SPTSSA: variants seen among roughly 807,000 people sequenced by gnomAD.
SPTSSA encodes the protein serine palmitoyltransferase small subunit A, also known as small subunit of serine palmitoyltransferase A.
Under a neutral mutation model 9.1 loss-of-function variants are expected in SPTSSA, and 8 were observed. The ratio of observed to expected loss-of-function variants is 0.88; its 90% CI spans 0.51 to 1.58. The LOEUF (loss-of-function observed/expected upper bound fraction) is 1.58. Ranked by LOEUF, SPTSSA falls within the 40% of genes most tolerant of loss-of-function variation. The probability of loss-of-function intolerance (pLI) is 0.00; values close to 1 mark genes in which losing one functional copy is unlikely to be tolerated. For missense variants in SPTSSA, 100 were observed against 93.8 expected (o/e 1.07, Z -0.27); for synonymous variants, 42 against 37.7 (o/e 1.11, Z -0.41).
chr14:34,433,962 C>CAAAAAA lies in SPTSSA; in HGVS notation c.*1233_*1238dup, dbSNP rs879067438. 9.2e-6 allele frequency: 1 copy of CAAAAAA among 108,842 alleles called. No individual in the cohort carries two copies. The highest frequency in any genetic ancestry group is 3.8e-5 in the African/African-American group (1 of 26,626). The allele number at this position is 108,842 out of a possible 1,614,324, so 6.7% of individuals were successfully genotyped here. A position where few individuals can be genotyped will look rare whatever the true frequency, so the allele number is the denominator to read the frequency against. On this transcript the variant is annotated 3_prime_UTR_variant, in exon 2 of 2. Transcript: ENST00000298130. ...TGGGCGACAGGGCAAGACTCCGTCT[C>CAAAAAA]AAAAAAAAAAAAACAAAAAAACAAC...
intron 1 of SPTSSA, among the ~76,000 whole-genome samples, chr14:34,443,172 T>TGTG (rs1883353252): frequency 1.6e-3 from 94 of 60,634 alleles, no homozygotes; most frequent in East Asian, 4.4e-3. Flanking sequence ...TGTGTGTGTG[T>TGTG]TTTGAGATTG....
intron 1 of SPTSSA, among the ~76,000 whole-genome samples, chr14:34,449,762 C>T (rs1176267461): frequency 2.0e-5 from 3 of 152,228 alleles, no homozygotes; most frequent in African/African-American, 7.2e-5. Context: ...CTCAGTCTCC[C>T]AAAGTGCTGG....
Position 34,434,411 on chromosome 14 carries a change from G to A in SPTSSA, c.*790C>T, listed in dbSNP as rs1043321246. ...AAGTACATTGTTAATAGTGACCCTC[G>A]GAGGAAATGGATTTCTCTTCTATTA... is the stretch of plus-strand genomic sequence containing the variant. On this transcript the variant is annotated 3_prime_UTR_variant, in exon 2 of 2. Transcript: ENST00000298130. 2.0e-5 allele frequency: 3 copies of A among 152,386 alleles called. No individual in the cohort carries two copies. The highest frequency in any genetic ancestry group is 4.4e-5 in the Non-Finnish European group (3 of 67,990). 9.4% of individuals were successfully genotyped at this position (152,386 alleles called of 1,614,324 possible). A position where few individuals can be genotyped will look rare whatever the true frequency, so the allele number is the denominator to read the frequency against.
chr14:34,433,147 C>T lies in SPTSSA; in HGVS notation c.*2054G>A, dbSNP rs1288263543. 10 of 152,184 alleles carry T rather than the reference C, an allele frequency of 6.6e-5. No individual in the cohort carries two copies. The highest frequency in any genetic ancestry group is 1.5e-5 in the Non-Finnish European group (1 of 68,032). The allele number at this position is 152,184 out of a possible 1,614,324, so 9.4% of individuals were successfully genotyped here. On this transcript the variant is annotated 3_prime_UTR_variant, in exon 2 of 2. Coordinates refer to ENST00000298130, the MANE Select transcript of SPTSSA (RefSeq NM_138288.4). Reference sequence around the variant, plus strand: ...GAGACATCTCCCATTTCTCTTTTGACTCTCCTCAAGATTTCCTGTAAGACC... The same window carrying T: ...GAGACATCTCCCATTTCTCTTTTGATTCTCCTCAAGATTTCCTGTAAGACC...
At chr14:34,446,806 G>C (rs1883429540) in intron 1 of SPTSSA, among the ~76,000 whole-genome samples, 1 of 152,190 alleles carries the variant, frequency 6.6e-6, no homozygotes, top group Non-Finnish European at 1.5e-5. Context: ...TCTTGTGAAA[G>C]TTATGCTAAA....
intron 1 of SPTSSA, among the ~76,000 whole-genome samples, chr14:34,451,512 A>G (rs1883520947): frequency 6.6e-6 from 1 of 152,044 alleles, no homozygotes; most frequent in Non-Finnish European, 1.5e-5. Context: ...TCACGAGGTC[A>G]GGAGATCGAG....
intron 1 of SPTSSA, among the ~76,000 whole-genome samples, chr14:34,438,835 T>C (rs1342324796): frequency 6.6e-6 from 1 of 152,224 alleles, no homozygotes; most frequent in African/African-American, 2.4e-5. Context: ...CGTAGGCTTC[T>C]AGCCACTTTC....
intron 1 of SPTSSA, among the ~76,000 whole-genome samples, chr14:34,444,078 C>G (rs1030256160): frequency 1.3e-5 from 2 of 152,036 alleles, no homozygotes; most frequent in Non-Finnish European, 2.9e-5. Flanking sequence ...AATGGTTAGT[C>G]TCCTCTGTAA....
At chr14:34,448,796 G>A (rs1883468872) in intron 1 of SPTSSA, among the ~76,000 whole-genome samples, 1 of 151,834 alleles carries the variant, frequency 6.6e-6, no homozygotes, top group Non-Finnish European at 1.5e-5. Flanking sequence ...CCAAGAATAT[G>A]AGACCAGCCT....
intron 1 of SPTSSA, among the ~76,000 whole-genome samples, chr14:34,457,970 G>GAA (rs1566427256): frequency 0.016 from 1,308 of 83,128 alleles, 67 homozygotes; most frequent in African/African-American, 0.05. Context: ...AGACTGTCTC[G>GAA]GAAAAAAAAA....
chr14:34,452,886 G>T (rs1047993527), intron 1 of SPTSSA, among the ~76,000 whole-genome samples: 11 of 152,028 alleles, frequency 7.2e-5, no homozygotes, highest in Non-Finnish European at 2.9e-5. Flanking sequence ...CATCATTTAG[G>T]GGAGCAGATT....
At chr14:34,461,906 C>T (rs1021874353) in intron 1 of SPTSSA, among the ~76,000 whole-genome samples, 190 bp downstream of exon 1, 1 of 151,102 alleles carries the variant, frequency 6.6e-6, no homozygotes, top group African/African-American at 2.4e-5. Flanking sequence ...TCTCGTCTCC[C>T]CCACCCCCCA....
In SPTSSA at chr14:34,433,452, C is replaced by T. The variant is rs1286889651; in HGVS notation, c.*1749G>A. The T allele has an allele frequency of 6.6e-6, 1 of 151,928 alleles. No individual in the cohort carries two copies. Among genetic ancestry groups the T allele is most frequent in the Non-Finnish European group, 1.5e-5 (1 of 67,990 alleles). The allele number at this position is 151,928 out of a possible 1,614,324, so 9.4% of individuals were successfully genotyped here. On this transcript the variant is annotated 3_prime_UTR_variant, in exon 2 of 2. Coordinates refer to ENST00000298130, the MANE Select transcript of SPTSSA (RefSeq NM_138288.4). ...AATAGAACAAATCTTATGTTAAATC[C>T]TCGTATTATTTTTCTTGAGATAATA...
rs1438874152 is a variant in SPTSSA at position 34,434,483 on chromosome 14, C to A, written c.*718G>T. 6.6e-6 allele frequency: 1 copy of A among 152,588 alleles called. No homozygotes were observed. The highest frequency in any genetic ancestry group is 1.5e-5 in the Non-Finnish European group (1 of 68,016). 9.5% of individuals were successfully genotyped at this position (152,588 alleles called of 1,614,324 possible). The stretch of plus-strand genomic sequence containing the variant: ...ATTACATAATAATGCTACTTAACCA[C>A]CTTTTGTCTCAAGAATTATCACCAA... On this transcript the variant is annotated 3_prime_UTR_variant, in exon 2 of 2. Coordinates refer to ENST00000298130, the MANE Select transcript of SPTSSA (RefSeq NM_138288.4).
At chr14:34,443,172 T>TGTGTG (rs1883353252) in intron 1 of SPTSSA, among the ~76,000 whole-genome samples, 62 of 60,646 alleles carry the variant, frequency 1.0e-3, no homozygotes, top group African/African-American at 1.5e-3. Flanking sequence ...TGTGTGTGTG[T>TGTGTG]TTTGAGATTG....
chr14:34,455,105 G>A (rs1182935848), intron 1 of SPTSSA, among the ~76,000 whole-genome samples: 1 of 151,464 alleles, frequency 6.6e-6, no homozygotes, highest in Non-Finnish European at 1.5e-5. Flanking sequence ...AAAAAAATAG[G>A]AGCCGGGCTA....
chr14:34,443,234 TGTG>T (rs1883358305), intron 1 of SPTSSA, among the ~76,000 whole-genome samples: 2 of 90,466 alleles, frequency 2.2e-5, no homozygotes, highest in African/African-American at 1.0e-4. Flanking sequence ...TGTGTGTGTG[TGTG>T]TTTTGAGATG....
At position 34,462,240 on chromosome 14, in the gene SPTSSA, T is replaced by G. The variant is rs766604785; in HGVS notation, c.-33A>C. On this transcript the variant is annotated 5_prime_UTR_variant, in exon 1 of 2. Transcript: ENST00000298130. ...CCGCGATGCAGCTCACACGTCAGTCTGTCCGGCCGGCCGCCCGCTCACGTC... is the reference window on the plus strand; with the variant it reads ...CCGCGATGCAGCTCACACGTCAGTCGGTCCGGCCGGCCGCCCGCTCACGTC... 2 of 1,448,378 alleles carry G rather than the reference T, an allele frequency of 1.4e-6. No homozygotes were observed. Among genetic ancestry groups the G allele is most frequent in the Admixed American group, 4.2e-5 (2 of 47,678 alleles). The allele number at this position is 1,448,378 out of a possible 1,614,324, so 89.7% of individuals were successfully genotyped here.
chr14:34,437,272 A>G (rs1566421005), intron 1 of SPTSSA, among the ~76,000 whole-genome samples: 1 of 151,982 alleles, frequency 6.6e-6, no homozygotes, highest in Admixed American at 6.6e-5. Context: ...AATCCTTTCC[A>G]CTCTTTAAAA....
Sources: gnomAD v4.1 joint callset for allele counts (sites outside exome capture counted in the v4.1 genomes callset) on GRCh38, gnomAD v4.1.1 for gene constraint, MANE v1.5 for transcripts, NCBI Gene and HGNC (gene_info 2026-07-23, HGNC 2026-07-21) for gene names.